MAP7: variants seen among roughly 807,000 people sequenced by gnomAD.
MAP7 encodes the protein microtubule associated protein 7, also known as ensconsin.
MAP7 carries 52 observed loss-of-function variants against 94.8 expected under a neutral mutation model. The observed-to-expected ratio is 0.55, with a 90% CI of 0.44 to 0.69. The LOEUF is 0.69. Ranked by LOEUF, MAP7 falls within the 30% of genes least tolerant of loss-of-function variation. The pLI is 0.00. For missense variants in MAP7, 940 were observed against 964.6 expected (o/e 0.97, Z 0.34); for synonymous variants, 350 against 357.0 (o/e 0.98, Z 0.22).
chr6:136,429,923 T>G (rs1794401252), intron 1 of MAP7, among the ~76,000 whole-genome samples: 1 of 152,226 alleles, frequency 6.6e-6, no homozygotes, highest in South Asian at 2.1e-4. Flanking sequence ...CCAGTCACAA[T>G]GCTAGCTAGC....
intron 16 of MAP7, among the ~76,000 whole-genome samples, chr6:136,354,119 TA>T (rs1253247689): frequency 5.0e-5 from 3 of 59,734 alleles, no homozygotes; most frequent in East Asian, 7.4e-4. Flanking sequence ...TATATATATA[TA>T]TATTATATAT....
chr6:136,450,108 C>T (rs1227644834), intron 1 of MAP7, among the ~76,000 whole-genome samples: 4 of 152,130 alleles, frequency 2.6e-5, no homozygotes, highest in Admixed American at 1.3e-4. Context: ...AGCTTGAACC[C>T]GGGAGGCAGA....
chr6:136,468,521 C>T (rs933653664), intron 1 of MAP7, among the ~76,000 whole-genome samples: 2 of 152,190 alleles, frequency 1.3e-5, no homozygotes, highest in African/African-American at 4.8e-5. Context: ...GTTGAAAAAG[C>T]ATTTAATACA....
intron 1 of MAP7, among the ~76,000 whole-genome samples, chr6:136,447,015 A>G (rs184496552): frequency 6.6e-6 from 1 of 152,330 alleles, no homozygotes; most frequent in South Asian, 2.1e-4. Context: ...CCCTGACATC[A>G]TAAGTCCATG....
intron 1 of MAP7, among the ~76,000 whole-genome samples, chr6:136,475,450 T>C (rs986546746): frequency 3.3e-5 from 5 of 152,226 alleles, no homozygotes; most frequent in Non-Finnish European, 7.3e-5. Flanking sequence ...GTACTGTAGA[T>C]TCTCTAACAA....
chr6:136,505,279 A>G lies in MAP7; in HGVS notation c.67+45063T>C, dbSNP rs199676709. On this transcript the variant is annotated intron_variant, in intron 1 of 17. Transcript: ENST00000354570. ...TGTGTGTGTGTGTGTGTGTGTGTGT[A>G]TATATATATATATATATATATATAT... 7.8e-3 allele frequency among the ~76,000 whole-genome samples: 691 copies of G among 88,210 alleles called. 6 individuals carry two copies. The highest frequency in any genetic ancestry group is 0.042 in the African/African-American group (491 of 11,826). The allele number at this position is 88,210 out of a possible 152,430, so 57.9% of individuals were successfully genotyped here.
intron 3 of MAP7, among the ~76,000 whole-genome samples, chr6:136,396,905 G>T (rs1782644367): frequency 6.6e-6 from 1 of 152,014 alleles, no homozygotes; most frequent in South Asian, 2.1e-4. Context: ...TTTCAGTTTA[G>T]AAAATTAAAG....
At chr6:136,470,357 T>C (rs370189693) in intron 1 of MAP7, among the ~76,000 whole-genome samples, 47 of 152,080 alleles carry the variant, frequency 3.1e-4, no homozygotes, top group African/African-American at 1.1e-3. Flanking sequence ...AAATAAAAAT[T>C]GTATATATTT....
At chr6:136,452,547 A>AT (rs999334983) in intron 1 of MAP7, among the ~76,000 whole-genome samples, 16 of 150,438 alleles carry the variant, frequency 1.1e-4, no homozygotes, top group Admixed American at 3.3e-4. Flanking sequence ...TTTAGCAATA[A>AT]TTTTTTTTTT....
intron 3 of MAP7, among the ~76,000 whole-genome samples, chr6:136,394,526 G>A (rs1326959081): frequency 6.6e-6 from 1 of 151,550 alleles, no homozygotes; most frequent in East Asian, 1.9e-4. Flanking sequence ...ATCAAATCAG[G>A]GTATCTAGGA....
intron 3 of MAP7, among the ~76,000 whole-genome samples, chr6:136,394,446 T>C (rs1383641095): frequency 6.6e-6 from 1 of 152,178 alleles, no homozygotes; most frequent in Non-Finnish European, 1.5e-5. Flanking sequence ...ATGTTTTTTA[T>C]TGACGTAGAA....
At chr6:136,537,281 T>C (rs946536267) in intron 1 of MAP7, among the ~76,000 whole-genome samples, 2 of 152,174 alleles carry the variant, frequency 1.3e-5, no homozygotes, top group African/African-American at 4.8e-5. Context: ...ATACCGAGGA[T>C]TGAATCTGAA....
chr6:136,460,624 C>CT (rs1336416112), intron 1 of MAP7, among the ~76,000 whole-genome samples: 1 of 152,042 alleles, frequency 6.6e-6, no homozygotes, highest in African/African-American at 2.4e-5. Flanking sequence ...TAGAAGGGTC[C>CT]TCTGTCACAC....
rs535477712 is a variant in MAP7, at chr6:136,344,010, T to A, written c.*218A>T. 9.5e-6 allele frequency: 3 copies of A among 314,246 alleles called. No homozygotes were observed. The highest frequency in any genetic ancestry group is 5.8e-6 in the Non-Finnish European group (1 of 171,428). 19.5% of individuals were successfully genotyped at this position (314,246 alleles called of 1,614,324 possible). A position where few individuals can be genotyped will look rare whatever the true frequency, so the allele number is the denominator to read the frequency against. ...CACTGGAAAAAGCCATTTTAAAGTA[T>A]TGAAGAATGAGACGTATTTCTTTTT... On this transcript the variant is annotated 3_prime_UTR_variant, in exon 18 of 18. Transcript: ENST00000354570.
intron 1 of MAP7, among the ~76,000 whole-genome samples, chr6:136,489,983 C>T (rs971460244): frequency 1.3e-5 from 2 of 152,076 alleles, no homozygotes; most frequent in South Asian, 2.1e-4. Context: ...TATACAATTC[C>T]TCTTCCAGAT....
At chr6:136,445,763 C>T (rs555997295) in intron 1 of MAP7, among the ~76,000 whole-genome samples, 8 of 152,338 alleles carry the variant, frequency 5.3e-5, no homozygotes, top group African/African-American at 1.9e-4. Context: ...ACAGGAGGCA[C>T]ACTCATCTAT....
At chr6:136,366,203 T>A in intron 9 of MAP7, 124 bp downstream of exon 9, 3 of 1,046,354 alleles carry the variant, frequency 2.9e-6, no homozygotes, top group Non-Finnish European at 1.4e-6. Context: ...TCTTTCCTTT[T>A]GGGAAGAATG....
intron 1 of MAP7, among the ~76,000 whole-genome samples, chr6:136,509,915 G>A (rs1342002546): frequency 6.6e-6 from 1 of 152,118 alleles, no homozygotes; most frequent in Non-Finnish European, 1.5e-5. Flanking sequence ...TAAGATTGAG[G>A]TATATGCTGG....
At chr6:136,513,737 A>G (rs532675388) in intron 1 of MAP7, among the ~76,000 whole-genome samples, 7 of 152,176 alleles carry the variant, frequency 4.6e-5, no homozygotes, top group Non-Finnish European at 1.0e-4. Flanking sequence ...CCAGAGATCC[A>G]TTCCTTGTCT....
Sources: allele counts gnomAD v4.1 joint callset (sites outside exome capture counted in the v4.1 genomes callset), GRCh38; gene constraint gnomAD v4.1.1; transcripts MANE v1.5; gene names NCBI Gene and HGNC (gene_info 2026-07-23, HGNC 2026-07-21).